The following DZANK1 variants were observed in gnomAD, a reference collection of about 807,000 sequenced individuals.
DZANK1 encodes the protein double zinc ribbon and ankyrin repeat domains 1, also known as double zinc ribbon and ankyrin repeat-containing protein 1.
A neutral mutation model predicts 94.5 loss-of-function variants in DZANK1; 91 were observed. The observed-to-expected ratio is 0.96, with a 90% CI of 0.81 to 1.15. DZANK1 has a LOEUF of 1.15. DZANK1 is among the 50% of genes most tolerant of loss of function. The pLI is 0.00. For missense variants in DZANK1, 903 were observed against 916.4 expected, an observed-to-expected ratio of 0.99 and a Z score of 0.19; for synonymous variants, 312 against 325.3, an observed-to-expected ratio of 0.96 and a Z score of 0.44.
intron 13 of DZANK1, among the ~76,000 whole-genome samples, chr20:18,407,317 G>A (rs1333221690): frequency 1.3e-5 from 2 of 152,204 alleles, no homozygotes; most frequent in African/African-American, 2.4e-5. Context: ...TCTCTTCCTG[G>A]TAGTCCAGAT....
At chr20:18,399,934 A>C (rs1229068107) in intron 13 of DZANK1, among the ~76,000 whole-genome samples, 2 of 152,180 alleles carry the variant, frequency 1.3e-5, no homozygotes, top group African/African-American at 2.4e-5. Flanking sequence ...AATCAGAGGG[A>C]TTTTCCAAGG....
chr20:18,402,619 A>C (rs1408475401), intron 13 of DZANK1, among the ~76,000 whole-genome samples: 1 of 152,166 alleles, frequency 6.6e-6, no homozygotes, highest in African/African-American at 2.4e-5. Context: ...TAAGGGCTGA[A>C]CAGCACACTT....
intron 10 of DZANK1, among the ~76,000 whole-genome samples, chr20:18,419,187 G>A (rs1458840073): frequency 1.3e-5 from 2 of 151,738 alleles, no homozygotes; most frequent in Admixed American, 6.6e-5. Context: ...GCTTGAACCT[G>A]GGAGGCGGAG....
intron 13 of DZANK1, among the ~76,000 whole-genome samples, chr20:18,401,788 G>T (rs955669887): frequency 6.6e-6 from 1 of 152,178 alleles, no homozygotes; most frequent in African/African-American, 2.4e-5. Flanking sequence ...ACTTCCTAGA[G>T]AGTTAAGTGG....
chr20:18,446,064 C>CAAAA (rs144762783), intron 7 of DZANK1, among the ~76,000 whole-genome samples: 2 of 124,658 alleles, frequency 1.6e-5, no homozygotes. Context: ...CACGCCCAGC[C>CAAAA]AAAAAAAAAA....
chr20:18,391,380 C>T (rs554998371), intron 17 of DZANK1, among the ~76,000 whole-genome samples: 44 of 152,178 alleles, frequency 2.9e-4, no homozygotes, highest in Non-Finnish European at 4.9e-4. Context: ...ACTACAGGCA[C>T]ATGCCACTAT....
At chr20:18,453,159 G>C (rs2059164038) in intron 5 of DZANK1, among the ~76,000 whole-genome samples, 1 of 152,184 alleles carries the variant, frequency 6.6e-6, no homozygotes. Flanking sequence ...TTTGCTGTTT[G>C]AAATTCTCAG....
At chr20:18,460,185 T>G (rs1259870984) in exon 3 of DZANK1, 1 of 1,565,188 alleles carries the variant, frequency 6.4e-7, no homozygotes, top group Admixed American at 1.7e-5. Context: ...CTTGTATTTT[T>G]CCATCAGGCA....
At chr20:18,442,272 A>G (rs2058736198) in intron 8 of DZANK1, among the ~76,000 whole-genome samples, 1 of 152,212 alleles carries the variant, frequency 6.6e-6, no homozygotes, top group African/African-American at 2.4e-5. Context: ...CAAGTAGAAA[A>G]TAATTTTGGT....
chr20:18,438,588 A>T (rs902559963), intron 8 of DZANK1, among the ~76,000 whole-genome samples: 66 of 152,216 alleles, frequency 4.3e-4, no homozygotes, highest in African/African-American at 1.6e-3. Context: ...AGCATAGACA[A>T]AGAGAGACAT....
At chr20:18,438,762 T>A (rs1208409878) in intron 8 of DZANK1, among the ~76,000 whole-genome samples, 2 of 152,216 alleles carry the variant, frequency 1.3e-5, no homozygotes, top group Non-Finnish European at 2.9e-5. Context: ...AAGTCCAAGA[T>A]CAGGATGCCA....
At chr20:18,433,978 T>G in intron 8 of DZANK1, 1 of 521,036 alleles carries the variant, frequency 1.9e-6, no homozygotes, top group South Asian at 2.8e-5. Context: ...AATAATTACC[T>G]TTATGATGGA....
chr20:18,452,630 G>T lies in DZANK1; in HGVS notation c.528C>A (p.Pro176=), dbSNP rs754486115. Reference sequence around the variant, plus strand: ...TAGAAGTTACCTGGGACTGGCGGGTGGGTGGTCTAGAACCTGATCCTCCAC... The same window carrying T: ...TAGAAGTTACCTGGGACTGGCGGGTTGGTGGTCTAGAACCTGATCCTCCAC... The change falls in exon 6 of 21, where the codon CCC becomes CCA. Residue 176 remains proline, a synonymous_variant. Transcript: ENST00000262547. The T allele has an allele frequency of 5.7e-6, 9 of 1,592,180 alleles. No individual in the cohort carries two copies. The East Asian group carries it at 1.6e-4, about 28-fold the overall frequency.
At chr20:18,449,216 A>C (rs2059004229) in intron 6 of DZANK1, 147 bp from the exon 7 acceptor site, 1 of 675,082 alleles carries the variant, frequency 1.5e-6, no homozygotes, top group Admixed American at 3.2e-5. Context: ...TATAGACTCT[A>C]AAAGTGGGAA....
chr20:18,427,970 G>A (rs760380929), intron 9 of DZANK1, among the ~76,000 whole-genome samples: 11 of 151,736 alleles, frequency 7.2e-5, no homozygotes, highest in Admixed American at 3.3e-4. Context: ...CTAACACGGT[G>A]AAACCCCGTC....
chr20:18,414,359 G>T (rs376163591), exon 12 of DZANK1: 25 of 1,613,854 alleles, frequency 1.5e-5, no homozygotes, highest in Non-Finnish European at 1.7e-5. Context: ...TCAGAAAAAG[G>T]GCGAGGTTCC....
intron 10 of DZANK1, among the ~76,000 whole-genome samples, chr20:18,419,268 A>G (rs1471463166): frequency 6.6e-6 from 1 of 152,118 alleles, no homozygotes; most frequent in African/African-American, 2.4e-5. Flanking sequence ...TCTCAAAAAA[A>G]AAAAAAAAAA....
intron 10 of DZANK1, among the ~76,000 whole-genome samples, chr20:18,419,733 A>G (rs2057683963): frequency 6.6e-6 from 1 of 152,194 alleles, no homozygotes; most frequent in South Asian, 2.1e-4. Flanking sequence ...TTCAGGTAAA[A>G]GAGAACCAAG....
intron 3 of DZANK1, among the ~76,000 whole-genome samples, chr20:18,459,314 A>G (rs1469575637): frequency 6.6e-6 from 1 of 152,136 alleles, no homozygotes; most frequent in Non-Finnish European, 1.5e-5. Flanking sequence ...GTTTTGTTTC[A>G]TTTTATTTGT....
Sources: gnomAD v4.1 joint callset for allele counts (sites outside exome capture counted in the v4.1 genomes callset) on GRCh38, gnomAD v4.1.1 for gene constraint, MANE v1.5 for transcripts, NCBI Gene and HGNC (gene_info 2026-07-23, HGNC 2026-07-21) for gene names.